Variants in ERAP2 observed in about 807,000 individuals in gnomAD.
ERAP2 encodes endoplasmic reticulum aminopeptidase 2.
ERAP2 carries 118 observed loss-of-function variants against 111.1 expected under a neutral mutation model. The observed-to-expected ratio is 1.06, with a 90% confidence interval of 0.92 to 1.24. The LOEUF is 1.24. Among genes scored for constraint, ERAP2 ranks in the 50% most tolerant of loss-of-function variants. The pLI, the probability that ERAP2 is intolerant of heterozygous loss-of-function variation, is 0.00. For missense variants in ERAP2, 1,131 were observed against 1,125.8 expected, an observed-to-expected ratio of 1.00 and a Z score of -0.07; for synonymous variants, 410 against 401.2, an observed-to-expected ratio of 1.02 and a Z score of -0.26.
chr5:96,880,404 T>TTCC, intron 2 of ERAP2, 144 bp downstream of exon 2: 1 of 762,024 alleles, frequency 1.3e-6, no homozygotes, highest in East Asian at 2.7e-5. Flanking sequence ...AGATCTACCA[T>TTCC]TCCTTAAGGA....
rs1452869599 is a variant in ERAP2, at chr5:96,894,920, A to AC, written c.1126-326_1126-325insC. Among the ~76,000 whole-genome samples the AC allele has an allele frequency of 2.0e-5, 3 of 152,286 alleles. No individual in the cohort carries two copies. In the East Asian group the frequency reaches 5.8e-4, roughly 29 times the overall value. On this transcript the variant is annotated intron_variant, in intron 6 of 18. Coordinates refer to ENST00000437043, the MANE Select transcript of ERAP2 (RefSeq NM_022350.5). Reference sequence around the variant, plus strand: ...GTTCTTATTGGGCAGGAAAGAAAAAAACTACCTCCATAAAGTGTTCCATTT... The same window carrying AC: ...GTTCTTATTGGGCAGGAAAGAAAAAACACTACCTCCATAAAGTGTTCCATTT...
intron 2 of ERAP2, chr5:96,881,451 G>A (rs1318307834): frequency 4.4e-6 from 2 of 456,212 alleles, no homozygotes; most frequent in Middle Eastern, 3.3e-4. Flanking sequence ...TGGACGGCTT[G>A]GTTTCCCAGG....
At chr5:96,895,382 C>A in intron 7 of ERAP2, 23 bp downstream of exon 7, 1 of 1,409,654 alleles carries the variant, frequency 7.1e-7, no homozygotes, top group Non-Finnish European at 1.0e-6. Flanking sequence ...TTCTGTGTAT[C>A]ATACTATATG....
chr5:96,901,475 CTTGAG>C (rs1561385492), intron 10 of ERAP2, 26 bp from the exon 11 acceptor site: 10 of 1,608,922 alleles, frequency 6.2e-6, no homozygotes, highest in South Asian at 1.1e-5. Context: ...TCTCCTCTCT[CTTGAG>C]TTATCATAGT....
rs1786935569 is a variant in ERAP2 at position 96,912,705 on chromosome 5, T to C, written c.2423T>C (p.Leu808Pro). Residue 808 changes from leucine (L) to proline (P), a missense_variant, in exon 16 of 19, where the codon CTT becomes CCT. Leu to Pro is a moderately conservative substitution (Grantham distance 98, BLOSUM62 -3). Coordinates refer to ENST00000437043, the MANE Select transcript of ERAP2 (RefSeq NM_022350.5). ...CAGACAACAGCAGGATGGAATTACC[T>C]TTTAGAGCAATATGAACTGTCAATG... ...GAQTTAGWNYLLEQYELSMSS... is the reference protein window; with the variant it reads ...GAQTTAGWNYPLEQYELSMSS... 1.2e-6 allele frequency: 2 copies of C among 1,607,588 alleles called. No individual in the cohort carries two copies. Among genetic ancestry groups the C allele is most frequent in the South Asian group, 2.2e-5 (2 of 89,802 alleles).
At chr5:96,903,054 C>T (rs1469295827) in intron 12 of ERAP2, among the ~76,000 whole-genome samples, 1 of 152,150 alleles carries the variant, frequency 6.6e-6, no homozygotes, top group Non-Finnish European at 1.5e-5. Flanking sequence ...ACAAGGACAT[C>T]ATCAAATTAA....
At chr5:96,907,174 T>C (rs772006656) in intron 13 of ERAP2, among the ~76,000 whole-genome samples, 2 of 152,244 alleles carry the variant, frequency 1.3e-5, no homozygotes, top group African/African-American at 2.4e-5. Context: ...TTTATGTTTA[T>C]ATATGTTTTA....
rs1786407229 is a variant in ERAP2, at chr5:96,908,996, T to C, written c.2048T>C (p.Met683Thr). 1.9e-6 allele frequency: 3 copies of C among 1,614,088 alleles called. No homozygotes were observed. Among genetic ancestry groups the C allele is most frequent in the Non-Finnish European group, 2.5e-6 (3 of 1,180,026 alleles). The change falls in exon 14 of 19, where the codon ATG (methionine) becomes ACG (threonine). Residue 683 changes from methionine (M) to threonine (T), a missense_variant. Around this residue, in one of 3 missense-constraint regions of ERAP2, gnomAD observed 847 missense variants for 856.5 expected, o/e 0.99. Transcript: ENST00000437043. ...GRLTLDKALD[M>T]TYYLQHETSS... The stretch of plus-strand genomic sequence containing the variant: ...CTGACCCTAGACAAAGCTCTTGACA[T>C]GACTTACTACCTCCAACATGAAACA...
intron 4 of ERAP2, among the ~76,000 whole-genome samples, chr5:96,888,678 T>C (rs188609282): frequency 1.3e-5 from 2 of 152,358 alleles, no homozygotes; most frequent in East Asian, 1.9e-4. Flanking sequence ...TTCTACTTGA[T>C]AGCTAATTTC....
intron 15 of ERAP2, among the ~76,000 whole-genome samples, chr5:96,911,985 C>T (rs920836520): frequency 1.3e-5 from 2 of 149,576 alleles, no homozygotes; most frequent in African/African-American, 4.9e-5. Context: ...GTCAGGAAAT[C>T]GAGACCATCC....
chr5:96,917,841 G>A lies in ERAP2; in HGVS notation c.*236G>A, dbSNP rs752622983. On this transcript the variant is annotated 3_prime_UTR_variant, in exon 19 of 19. Coordinates refer to ENST00000437043, the MANE Select transcript of ERAP2 (RefSeq NM_022350.5). ...AAATGGCATAAACCCGGGAGGTGGA[G>A]CTTGCAGTGAGCCGAGATTGCACCA... 4.9e-6 allele frequency: 1 copy of A among 204,102 alleles called. No homozygotes were observed. Among genetic ancestry groups the A allele is most frequent in the Non-Finnish European group, 9.8e-6 (1 of 102,342 alleles). 12.6% of individuals were successfully genotyped at this position (204,102 alleles called of 1,614,324 possible). A position where few individuals can be genotyped will look rare whatever the true frequency, so the allele number is the denominator to read the frequency against.
At chr5:96,898,572 C>CAAAAA (rs770783071) in intron 9 of ERAP2, among the ~76,000 whole-genome samples, 2,198 of 94,352 alleles carry the variant, frequency 0.023, 103 homozygotes, top group African/African-American at 0.088. Flanking sequence ...TACTAAAATA[C>CAAAAA]AAAAAAAAAA....
chr5:96,912,632 T>C lies in ERAP2; in HGVS notation c.2355-5T>C. The C allele has an allele frequency of 6.3e-7, 1 of 1,593,604 alleles. No individual in the cohort carries two copies. The highest frequency in any genetic ancestry group is 8.5e-7 in the Non-Finnish European group (1 of 1,174,456). ...TTTTCTTCATTTTTATGCTTGATAT[T>C]ACAGTATACCAACAGATGTTTTAAA... On this transcript the variant is annotated splice_polypyrimidine_tract_variant and splice_region_variant and intron_variant, in intron 15 of 18. Transcript: ENST00000437043.
At chr5:96,908,655 T>C (rs1186632379) in intron 13 of ERAP2, among the ~76,000 whole-genome samples, 1 of 152,242 alleles carries the variant, frequency 6.6e-6, no homozygotes, top group African/African-American at 2.4e-5. Flanking sequence ...TATTAACCTT[T>C]TGCTATGTGG....
intron 13 of ERAP2, among the ~76,000 whole-genome samples, chr5:96,906,861 G>A (rs892949163): frequency 6.6e-6 from 1 of 152,064 alleles, no homozygotes; most frequent in Admixed American, 6.6e-5. Context: ...TTGAAACCCC[G>A]TCTCTACTAA....
At chr5:96,895,224 A>T (rs751330709) in intron 6 of ERAP2, 22 bp from the exon 7 acceptor site, 27 of 1,360,708 alleles carry the variant, frequency 2.0e-5, no homozygotes, top group Non-Finnish European at 1.0e-5. Flanking sequence ...ACTTCTAATA[A>T]TATTGAGTTT....
rs1182020105 is a variant in ERAP2 at position 96,917,561 on chromosome 5, A to G, written c.2839A>G (p.Lys947Glu). The G allele has an allele frequency of 1.2e-6, 2 of 1,614,006 alleles. No homozygotes were observed. Among genetic ancestry groups the G allele is most frequent in the Admixed American group, 3.3e-5 (2 of 60,006 alleles). ...AACCAAAAATATAAAATGGCTGGAG[A>G]AGAATCTTCCGACTCTGAGGACTTG... ...TITKNIKWLEKNLPTLRTWLM... is the reference protein window; with the variant it reads ...TITKNIKWLEENLPTLRTWLM... Residue 947 changes from lysine (K) to glutamate (E), a missense_variant, in exon 19 of 19, where the codon AAG (lysine) becomes GAG (glutamate). Physicochemically the swap from Lys to Glu is moderately conservative, Grantham distance 56. Transcript: ENST00000437043.
rs527993385 is a variant in ERAP2, at chr5:96,879,975, T to C, written c.290T>C (p.Ile97Thr). Residue 97 changes from isoleucine (I) to threonine (T), a missense_variant, in exon 2 of 19, where the codon ATC becomes ACC. Around this residue, in one of 3 missense-constraint regions of ERAP2, gnomAD observed 847 missense variants for 856.5 expected, o/e 0.99. Coordinates refer to ENST00000437043, the MANE Select transcript of ERAP2 (RefSeq NM_022350.5). Reference protein sequence around the residue: ...TSLDFVASEKIEVLVSNATQF... With the variant: ...TSLDFVASEKTEVLVSNATQF... Reference sequence around the variant, plus strand: ...CTGGACTTTGTTGCATCTGAGAAGATCGAAGTCTTGGTCAGCAATGCTACC... The same window carrying C: ...CTGGACTTTGTTGCATCTGAGAAGACCGAAGTCTTGGTCAGCAATGCTACC... 6.2e-7 allele frequency: 1 copy of C among 1,614,202 alleles called. No homozygotes were observed. Among genetic ancestry groups the C allele is most frequent in the South Asian group, 1.1e-5 (1 of 91,084 alleles).
At position 96,915,690 on chromosome 5, in the gene ERAP2, T is replaced by A. The variant is rs985543887; in HGVS notation, c.2660T>A (p.Phe887Tyr). The change falls in exon 18 of 19, where the codon TTT (phenylalanine) becomes TAT (tyrosine). Residue 887 changes from phenylalanine (F) to tyrosine (Y), a missense_variant and splice_region_variant. Coordinates refer to ENST00000437043, the MANE Select transcript of ERAP2 (RefSeq NM_022350.5). ...ATGGTGTTTCTTTTTATTTTCAGAT[T>A]TGACTTGGGCTCATATGACATAAGG... Reference protein sequence around the residue: ...RENWTHLLKKFDLGSYDIRMI... With the variant: ...RENWTHLLKKYDLGSYDIRMI... 2 of 1,513,546 alleles carry A rather than the reference T, an allele frequency of 1.3e-6. No homozygotes were observed. Among genetic ancestry groups the A allele is most frequent in the Non-Finnish European group, 1.8e-6 (2 of 1,131,556 alleles). 93.8% of individuals were successfully genotyped at this position (1,513,546 alleles called of 1,614,324 possible).
Sources: gnomAD v4.1 joint callset for allele counts (sites outside exome capture counted in the v4.1 genomes callset) on GRCh38, gnomAD v4.1.1 for gene constraint, gnomAD v4.1.1 regional missense constraint, MANE v1.5 for transcripts, NCBI Gene and HGNC (gene_info 2026-07-23, HGNC 2026-07-21) for gene names.